ANK3: variants seen among roughly 807,000 people sequenced by gnomAD.
The protein encoded by ANK3 is ankyrin-3.
ANK3 carries 57 observed loss-of-function variants against 370.9 expected under a neutral mutation model. The ratio of observed to expected loss-of-function variants is 0.15; its 90% CI spans 0.12 to 0.19. ANK3 has a LOEUF of 0.19. ANK3 is among the 10% of genes least tolerant of loss of function. The probability of loss-of-function intolerance (pLI) is 1.00; values close to 1 mark genes in which losing one functional copy is unlikely to be tolerated. For synonymous variants in ANK3, 1,929 were observed against 1,946.3 expected (o/e 0.99, Z 0.23); for missense variants, 4,439 against 5,302.1 (o/e 0.84, Z 5.06).
chr10:60,430,091 T>C (rs750272348), intron 2 of ANK3, among the ~76,000 whole-genome samples: 1 of 152,216 alleles, frequency 6.6e-6, no homozygotes, highest in Non-Finnish European at 1.5e-5. Context: ...TTTATCTGGC[T>C]CATCAAAAAA....
chr10:60,086,522 G>T, intron 30 of ANK3, 155 bp downstream of exon 30: 1 of 597,888 alleles, frequency 1.7e-6, no homozygotes, highest in African/African-American at 1.9e-5. Flanking sequence ...GGAAACCAGA[G>T]ATGAGGTGAT....
chr10:60,312,794 G>A (rs573156371), intron 1 of ANK3, among the ~76,000 whole-genome samples: 2 of 152,312 alleles, frequency 1.3e-5, no homozygotes, highest in Admixed American at 1.3e-4. Flanking sequence ...AAAATCAGAT[G>A]TTTTAAGCAA....
At chr10:60,700,212 A>G (rs2133416557) in intron 1 of ANK3, among the ~76,000 whole-genome samples, 1 of 152,316 alleles carries the variant, frequency 6.6e-6, no homozygotes, top group Middle Eastern at 3.4e-3. Flanking sequence ...GATAAACTAG[A>G]TATCAATGAC....
At position 60,208,241 on chromosome 10, in the gene ANK3, A is replaced by C. The variant is rs2096794416; in HGVS notation, c.997-8T>G. 2 of 1,612,916 alleles carry C rather than the reference A, an allele frequency of 1.2e-6. No homozygotes were observed. Among genetic ancestry groups the C allele is most frequent in the Middle Eastern group, 1.6e-4 (1 of 6,076 alleles). ...CAATGGAGATAATCCATTCTGGAAC[A>C]CATAAAGAAATCAGAGTTCATTCTT... On this transcript the variant is annotated splice_polypyrimidine_tract_variant and splice_region_variant and intron_variant, in intron 9 of 43. Coordinates refer to ENST00000280772, the MANE Select transcript of ANK3 (RefSeq NM_020987.5).
At chr10:60,166,190 A>C (rs1477534947) in intron 23 of ANK3, among the ~76,000 whole-genome samples, 2 of 152,104 alleles carry the variant, frequency 1.3e-5, no homozygotes, top group Non-Finnish European at 2.9e-5. Context: ...GGCAAATCTC[A>C]GGGCATTTAA....
intron 1 of ANK3, among the ~76,000 whole-genome samples, chr10:60,351,009 C>A (rs1041885192): frequency 6.8e-6 from 1 of 147,958 alleles, no homozygotes; most frequent in Admixed American, 6.9e-5. Context: ...CCAGACAATA[C>A]CATTCAGGGG....
chr10:60,102,150 A>G (rs908337353), intron 28 of ANK3, among the ~76,000 whole-genome samples: 1 of 149,620 alleles, frequency 6.7e-6, no homozygotes, highest in African/African-American at 2.5e-5. Context: ...GGTGTATACA[A>G]CCTTGTAGGT....
At chr10:60,076,581 T>C in intron 36 of ANK3, 133 bp from the exon 37 acceptor site, 1 of 1,213,140 alleles carries the variant, frequency 8.2e-7, no homozygotes, top group Non-Finnish European at 1.1e-6. Flanking sequence ...GTTTGCATGA[T>C]TTAGAATGGA....
rs762848937 is a variant in ANK3, at chr10:60,389,571, C to T, written c.-33G>A. 3.1e-6 allele frequency: 5 copies of T among 1,609,462 alleles called. No individual in the cohort carries two copies. The highest frequency in any genetic ancestry group is 2.7e-5 in the African/African-American group (2 of 74,498). On this transcript the variant is annotated 5_prime_UTR_variant, in exon 1 of 44. It adds an upstream start codon to the 5' untranslated region. Transcript: ENST00000280772. ...TTAAAAAGATCCTCTCAAGCACACA[C>T]GGCTTCCTTGTAAAAGGTGATATCC...
chr10:60,237,599 CT>C (rs200500264), intron 7 of ANK3, among the ~76,000 whole-genome samples: 1,612 of 151,180 alleles, frequency 0.011, 29 homozygotes, highest in African/African-American at 0.037. Flanking sequence ...TTTTTTTTCT[CT>C]TTTTTTTAAA....
intron 7 of ANK3, among the ~76,000 whole-genome samples, chr10:60,259,232 A>G (rs79793065): frequency 2.0e-5 from 3 of 152,178 alleles, no homozygotes; most frequent in Non-Finnish European, 2.9e-5. Flanking sequence ...GCCTCAGTTT[A>G]AGCTCTTTAA....
Position 60,073,347 on chromosome 10 carries a change from T to C in ANK3, c.7534A>G (p.Lys2512Glu). The C allele has an allele frequency of 6.2e-7, 1 of 1,613,940 alleles. No homozygotes were observed. The highest frequency in any genetic ancestry group is 8.5e-7 in the Non-Finnish European group (1 of 1,180,004). ...TTATAGATTTTGGAGAGAATTTCTT[T>C]TTTGGGGGCAGTGGCTATTTTTTCT... ...SREKIATAPK[K>E]EILSKIYKDV... is the part of the protein sequence containing the mutation. Residue 2512 changes from lysine (K) to glutamate (E), a missense_variant, in exon 37 of 44, where the codon AAA becomes GAA. By Grantham distance (56) the Lys-to-Glu change is moderately conservative (BLOSUM62 1). Transcript: ENST00000280772.
chr10:60,665,970 A>G (rs1447294040), intron 1 of ANK3, among the ~76,000 whole-genome samples: 1 of 152,250 alleles, frequency 6.6e-6, no homozygotes, highest in African/African-American at 2.4e-5. Flanking sequence ...TCGAAATGTA[A>G]AATGGTGCAG....
intron 2 of ANK3, 98 bp from the exon 3 acceptor site, chr10:60,279,246 A>G (rs1202300476): frequency 7.7e-6 from 8 of 1,039,058 alleles, no homozygotes; most frequent in Non-Finnish European, 1.0e-5. Context: ...GTCCCACCTG[A>G]TGATCACTTG....
chr10:60,051,535 T>TGAATCACTCTCA, intron 42 of ANK3: 1 of 985,796 alleles, frequency 1.0e-6, no homozygotes, highest in Non-Finnish European at 1.2e-6. Flanking sequence ...CCTCTGAGCT[T>TGAATCACTCTCA]GAATCACTCT....
At chr10:60,599,469 T>C (rs2078031659) in intron 2 of ANK3, among the ~76,000 whole-genome samples, 1 of 152,246 alleles carries the variant, frequency 6.6e-6, no homozygotes, top group South Asian at 2.1e-4. Flanking sequence ...TATTTCTATG[T>C]GAGGCAGTTT....
chr10:60,272,757 C>T (rs1357273165), intron 4 of ANK3, among the ~76,000 whole-genome samples: 1 of 151,912 alleles, frequency 6.6e-6, no homozygotes, highest in Non-Finnish European at 1.5e-5. Context: ...GGATTACAGG[C>T]ATGAGCCACC....
intron 12 of ANK3, among the ~76,000 whole-genome samples, chr10:60,202,030 T>G (rs902635918): frequency 6.7e-6 from 1 of 150,148 alleles, no homozygotes. Flanking sequence ...CACTTCTTTG[T>G]ATAAACGACG....
At chr10:60,680,996 A>G (rs2079188003) in intron 1 of ANK3, among the ~76,000 whole-genome samples, 1 of 152,166 alleles carries the variant, frequency 6.6e-6, no homozygotes. Context: ...GTAAATAATA[A>G]TATTTTTCCT....
Sources: gnomAD v4.1 joint callset for allele counts (sites outside exome capture counted in the v4.1 genomes callset) on GRCh38, gnomAD v4.1.1 for gene constraint, MANE v1.5 for transcripts, NCBI Gene and HGNC (gene_info 2026-07-23, HGNC 2026-07-21) for gene names.